The following ACACB variants were observed in gnomAD, a reference collection of about 807,000 sequenced individuals.
ACACB encodes the protein acetyl-CoA carboxylase 2.
In ACACB, 209 loss-of-function variants were observed where a neutral mutation model predicts 278.8. The observed-to-expected ratio is 0.75, with a 90% CI of 0.67 to 0.84. The LOEUF is 0.84. Among genes scored for constraint, ACACB ranks in the 40% least tolerant of loss-of-function variants. The pLI is 0.00. For synonymous variants in ACACB, 1,174 were observed against 1,285.6 expected (o/e 0.91, Z 1.86); for missense variants, 2,850 against 3,269.0 (o/e 0.87, Z 3.13).
intron 11 of ACACB, among the ~76,000 whole-genome samples, chr12:109,184,625 C>T (rs982351074): frequency 6.6e-6 from 1 of 152,162 alleles, no homozygotes; most frequent in East Asian, 1.9e-4. Context: ...TGACACATTC[C>T]ATTTTATTTT....
chr12:109,130,223 CA>C (rs1285232523), intron 1 of ACACB, among the ~76,000 whole-genome samples: 2 of 152,134 alleles, frequency 1.3e-5, no homozygotes. Flanking sequence ...CTCAGTGCCC[CA>C]GGGGGGATGA....
intron 31 of ACACB, among the ~76,000 whole-genome samples, 198 bp downstream of exon 31, chr12:109,234,243 C>T (rs564702406): frequency 7.2e-5 from 11 of 152,304 alleles, no homozygotes; most frequent in Admixed American, 3.9e-4. Context: ...GCATTTCTCT[C>T]GCTCACGGTG....
rs2046302763 is a variant in ACACB, at chr12:109,226,018, AG to A, written c.3883-1352del. On this transcript the variant is annotated intron_variant, in intron 27 of 52. Coordinates refer to ENST00000338432, the MANE Select transcript of ACACB (RefSeq NM_001093.4). The stretch of plus-strand genomic sequence containing the variant: ...TGAGGTGGCTCATGCCTGTAATCCC[AG>A]CTCTTTAGGAGGCTGAGGTGGGAGA... Among the ~76,000 whole-genome samples, 5 of 152,296 alleles carry A rather than the reference AG, an allele frequency of 3.3e-5. No individual in the cohort carries two copies. The South Asian group carries it at 1.0e-3, about 32-fold the overall frequency.
chr12:109,126,130 C>T (rs73195482), intron 1 of ACACB, among the ~76,000 whole-genome samples: 1 of 152,002 alleles, frequency 6.6e-6, no homozygotes, highest in South Asian at 2.1e-4. Flanking sequence ...GGGGGAGAAG[C>T]GAAGAAGGAT....
At chr12:109,126,902 C>T (rs2042693123) in intron 1 of ACACB, among the ~76,000 whole-genome samples, 2 of 152,024 alleles carry the variant, frequency 1.3e-5, no homozygotes, top group African/African-American at 4.8e-5. Flanking sequence ...ATGTTTTGCT[C>T]CCTGAAGTTG....
chr12:109,203,635 A>G (rs931459960), intron 19 of ACACB, among the ~76,000 whole-genome samples: 5 of 152,228 alleles, frequency 3.3e-5, no homozygotes, highest in African/African-American at 1.2e-4. Context: ...TGTTGGATGA[A>G]CGTGTAGCAG....
chr12:109,232,852 G>T (rs3742026), intron 29 of ACACB, 46 bp downstream of exon 29: 34 of 1,607,684 alleles, frequency 2.1e-5, no homozygotes, highest in South Asian at 6.7e-5. Context: ...ATGGGGGCTG[G>T]GCAGACTTCC....
chr12:109,121,360 G>A (rs2042544572), intron 1 of ACACB, among the ~76,000 whole-genome samples: 1 of 152,174 alleles, frequency 6.6e-6, no homozygotes, highest in African/African-American at 2.4e-5. Flanking sequence ...CTGGGGAAGG[G>A]GTCGGGGGAG....
intron 15 of ACACB, among the ~76,000 whole-genome samples, chr12:109,193,185 G>C (rs535658937): frequency 3.3e-5 from 5 of 150,202 alleles, no homozygotes; most frequent in Non-Finnish European, 7.4e-5. Context: ...GGGTGATTCA[G>C]GTTCTGTGCG....
chr12:109,188,403 C>T (rs1449099991), intron 13 of ACACB, among the ~76,000 whole-genome samples: 1 of 128,144 alleles, frequency 7.8e-6, no homozygotes, highest in African/African-American at 2.9e-5. Context: ...TCCATCCCTT[C>T]CCCTCCCTTC....
chr12:109,209,032 T>C, intron 20 of ACACB, 133 bp from the exon 21 acceptor site: 1 of 997,446 alleles, frequency 1.0e-6, no homozygotes, highest in Non-Finnish European at 1.5e-6. Flanking sequence ...CCCCAGAGGC[T>C]GCTGGGTCTG....
chr12:109,123,455 G>A (rs1453253915), intron 1 of ACACB, among the ~76,000 whole-genome samples: 1 of 151,880 alleles, frequency 6.6e-6, no homozygotes, highest in Non-Finnish European at 1.5e-5. Context: ...ACTTTGGGAG[G>A]CCGAGGCGGG....
At chr12:109,251,678 T>A (rs2047099348) in intron 41 of ACACB, among the ~76,000 whole-genome samples, 1 of 152,162 alleles carries the variant, frequency 6.6e-6, no homozygotes, top group South Asian at 2.1e-4. Flanking sequence ...GACCTTATTT[T>A]GAATTTCACC....
intron 1 of ACACB, among the ~76,000 whole-genome samples, chr12:109,125,747 CAGAGAGG>C (rs2042664818): frequency 6.6e-6 from 1 of 152,148 alleles, no homozygotes; most frequent in East Asian, 1.9e-4. Context: ...AACCCAAGCT[CAGAGAGG>C]TGAGGAAACT....
At chr12:109,217,063 C>G (rs943693417) in intron 24 of ACACB, 143 bp downstream of exon 24, 7 of 1,140,984 alleles carry the variant, frequency 6.1e-6, no homozygotes, top group Non-Finnish European at 8.4e-6. Context: ...GGGCAGATCA[C>G]TTGAGGTTAG....
rs556656636 is a variant in ACACB, at chr12:109,199,680, A to G, written c.2778+128A>G. On this transcript the variant is annotated intron_variant, in intron 18 of 52. Transcript: ENST00000338432. Reference sequence around the variant, plus strand: ...CTGTCTGCAAATTTCTAAGGGAATCAGTCTGTGGATTTCAGCCAAATCCCC... The same window carrying G: ...CTGTCTGCAAATTTCTAAGGGAATCGGTCTGTGGATTTCAGCCAAATCCCC... The G allele has an allele frequency of 5.8e-6, 6 of 1,035,998 alleles. No homozygotes were observed. The East Asian group carries it at 1.9e-4, about 33-fold the overall frequency. The allele number at this position is 1,035,998 out of a possible 1,614,324, so 64.2% of individuals were successfully genotyped here.
chr12:109,154,306 C>G (rs757588070), intron 2 of ACACB, among the ~76,000 whole-genome samples: 50 of 152,184 alleles, frequency 3.3e-4, no homozygotes, highest in Non-Finnish European at 6.3e-4. Flanking sequence ...TGAGAGAAAC[C>G]AGGACTTTGG....
chr12:109,131,786 G>T (rs538842601), intron 1 of ACACB, among the ~76,000 whole-genome samples: 3 of 152,144 alleles, frequency 2.0e-5, no homozygotes, highest in African/African-American at 7.2e-5. Context: ...TTATTTCAGC[G>T]AAGGGCAGCA....
rs770573672 is a variant in ACACB at position 109,265,063 on chromosome 12, C to T, written c.6943-47C>T. 2.5e-5 allele frequency: 39 copies of T among 1,566,290 alleles called. 2 individuals are homozygous for T. In the South Asian group the frequency reaches 2.9e-4, roughly 12 times the overall value. ...ATGGGTGTGGTCAGAGCCAGTGTCC[C>T]GTCTCCTCCTTCCCTTTCCGGGGAT... On this transcript the variant is annotated intron_variant, in intron 50 of 52. Coordinates refer to ENST00000338432, the MANE Select transcript of ACACB (RefSeq NM_001093.4).
Sources: allele counts gnomAD v4.1 joint callset (sites outside exome capture counted in the v4.1 genomes callset), GRCh38; gene constraint gnomAD v4.1.1; transcripts MANE v1.5; gene names NCBI Gene and HGNC (gene_info 2026-07-23, HGNC 2026-07-21).